The following EFL1 variants were observed in gnomAD, a reference collection of about 807,000 sequenced individuals.
EFL1 encodes the protein elongation factor like GTPase 1.
EFL1 carries 76 observed loss-of-function variants against 126.7 expected under a neutral mutation model. The ratio of observed to expected loss-of-function variants is 0.60; its 90% CI spans 0.50 to 0.73. The LOEUF is 0.73. Ranked by LOEUF, EFL1 falls within the 30% of genes least tolerant of loss-of-function variation. The probability of loss-of-function intolerance (pLI) is 0.00; values close to 1 mark genes in which losing one functional copy is unlikely to be tolerated. For missense variants in EFL1, 1,128 were observed against 1,343.2 expected, an observed-to-expected ratio of 0.84 and a Z score of 2.50; for synonymous variants, 410 against 448.4, an observed-to-expected ratio of 0.91 and a Z score of 1.08.
intron 18 of EFL1, among the ~76,000 whole-genome samples, chr15:82,145,281 C>T (rs1595939682): frequency 8.8e-6 from 1 of 113,766 alleles, no homozygotes; most frequent in East Asian, 2.4e-4. Flanking sequence ...CCAGCCTGGG[C>T]AACAAGAGCG....
chr15:82,223,205 T>C lies in EFL1; in HGVS notation c.1292+1960A>G, dbSNP rs72749585. Among the ~76,000 whole-genome samples the C allele has an allele frequency of 6.9e-3, 1,048 of 151,756 alleles. 10 individuals carry two copies. Among genetic ancestry groups the C allele is most frequent in the Non-Finnish European group, 8.2e-3 (555 of 67,948 alleles). On this transcript the variant is annotated intron_variant, in intron 12 of 19. Coordinates refer to ENST00000268206, the MANE Select transcript of EFL1 (RefSeq NM_024580.6). The stretch of plus-strand genomic sequence containing the variant: ...ATGTCTAATACAATGGAGATGAAAA[T>C]GCTATCAAACCAACTTCCAATGGTA...
chr15:82,157,887 AATATG>A (rs756525782), intron 16 of EFL1, 27 bp from the exon 17 acceptor site: 34 of 1,602,366 alleles, frequency 2.1e-5, no homozygotes, highest in East Asian at 1.6e-4. Flanking sequence ...AAATAGATTA[AATATG>A]ATATAAGAAC....
chr15:82,133,746 C>T (rs1370392815), intron 19 of EFL1, among the ~76,000 whole-genome samples: 2 of 152,290 alleles, frequency 1.3e-5, no homozygotes, highest in East Asian at 3.9e-4. Flanking sequence ...ATAAGAAACA[C>T]AAACTGTTTT....
rs760173604 is a variant in EFL1, at chr15:82,229,003, G to T, written c.932+31C>A. On this transcript the variant is annotated intron_variant, in intron 9 of 19. Coordinates refer to ENST00000268206, the MANE Select transcript of EFL1 (RefSeq NM_024580.6). ...AGTGAGACAAATTATACTGCCTAAA[G>T]ATGCCTAAAGGTAAACAATAAGAGT... The T allele has an allele frequency of 3.9e-5, 61 of 1,558,050 alleles. 2 individuals carry two copies. In the South Asian group the frequency reaches 6.6e-4, roughly 17 times the overall value.
At chr15:82,257,191 A>C (rs1463662790) in intron 3 of EFL1, among the ~76,000 whole-genome samples, 3 of 152,156 alleles carry the variant, frequency 2.0e-5, no homozygotes, top group Non-Finnish European at 4.4e-5. Flanking sequence ...CCATTTTAGC[A>C]AGTTATGTTT....
intron 17 of EFL1, among the ~76,000 whole-genome samples, chr15:82,153,759 T>C (rs914239867): frequency 2.0e-5 from 3 of 152,192 alleles, no homozygotes; most frequent in Admixed American, 2.0e-4. Context: ...TAATTTGTAT[T>C]AGATCTGTTA....
At chr15:82,252,629 A>G in intron 4 of EFL1, 62 bp downstream of exon 4, 1 of 1,291,604 alleles carries the variant, frequency 7.7e-7, no homozygotes, top group Non-Finnish European at 1.1e-6. Context: ...ATTAATTCAG[A>G]AAGACAGAAG....
intron 11 of EFL1, among the ~76,000 whole-genome samples, chr15:82,225,548 A>G (rs1229036939): frequency 2.0e-5 from 3 of 152,274 alleles, no homozygotes; most frequent in Non-Finnish European, 4.4e-5. Context: ...AAGCTATGCA[A>G]TGAGGTTAAC....
chr15:82,248,471 G>A (rs889594442), intron 4 of EFL1, among the ~76,000 whole-genome samples: 7 of 152,092 alleles, frequency 4.6e-5, no homozygotes, highest in African/African-American at 1.2e-4. Context: ...CCTAGTCTTC[G>A]GAGTATAAAA....
At chr15:82,204,508 T>C (rs1313160880) in intron 15 of EFL1, among the ~76,000 whole-genome samples, 1 of 152,230 alleles carries the variant, frequency 6.6e-6, no homozygotes, top group Admixed American at 6.5e-5. Context: ...CTTTTGACAA[T>C]CACTTGCTTT....
intron 18 of EFL1, among the ~76,000 whole-genome samples, chr15:82,144,453 C>G (rs1047677197): frequency 6.6e-6 from 1 of 152,050 alleles, no homozygotes; most frequent in African/African-American, 2.4e-5. Context: ...TTCAAGAGAC[C>G]TACTGTTTCA....
intron 15 of EFL1, among the ~76,000 whole-genome samples, chr15:82,185,602 G>A (rs1329905203): frequency 1.3e-5 from 2 of 151,786 alleles, no homozygotes; most frequent in Non-Finnish European, 2.9e-5. Flanking sequence ...CCTATAAAAA[G>A]CTTTTACCAA....
intron 15 of EFL1, among the ~76,000 whole-genome samples, chr15:82,207,305 T>C (rs186953310): frequency 0.14 from 16,952 of 122,558 alleles, 1,464 homozygotes; most frequent in African/African-American, 0.3. Flanking sequence ...TATATATATA[T>C]ATACACACAC....
rs543602027 is a variant in EFL1, at chr15:82,143,984, G to A, written c.2990-5142C>T. Among the ~76,000 whole-genome samples, 4 of 152,240 alleles carry A rather than the reference G, an allele frequency of 2.6e-5. No homozygotes were observed. In the South Asian group the frequency reaches 6.2e-4, roughly 24 times the overall value. On this transcript the variant is annotated intron_variant, in intron 18 of 19. Transcript: ENST00000268206. The stretch of plus-strand genomic sequence containing the variant: ...CAGCTGGGACTATAGGCATACGCTC[G>A]CACGCCTGGCTAGGACTTGAAATGC...
At chr15:82,132,677 G>A in intron 19 of EFL1, among the ~76,000 whole-genome samples, 1 of 58,086 alleles carries the variant, frequency 1.7e-5, no homozygotes, top group African/African-American at 6.6e-5. Flanking sequence ...CAAGGTCCAG[G>A]AATTGGGGGG....
At chr15:82,212,475 T>C (rs2074600554) in intron 15 of EFL1, among the ~76,000 whole-genome samples, 1 of 152,262 alleles carries the variant, frequency 6.6e-6, no homozygotes, top group Non-Finnish European at 1.5e-5. Context: ...TCATGCTTCC[T>C]AGTCATGCAG....
intron 16 of EFL1, among the ~76,000 whole-genome samples, chr15:82,160,496 A>T (rs1373268910): frequency 6.6e-6 from 1 of 152,252 alleles, no homozygotes; most frequent in Non-Finnish European, 1.5e-5. Flanking sequence ...ATCTATAATT[A>T]TATGTACATA....
chr15:82,230,289 T>C (rs1196652439), intron 8 of EFL1, among the ~76,000 whole-genome samples: 2 of 152,168 alleles, frequency 1.3e-5, no homozygotes, highest in Admixed American at 6.5e-5. Flanking sequence ...TGAGAATAAA[T>C]TTATGAAATC....
intron 16 of EFL1, 86 bp from the exon 17 acceptor site, chr15:82,157,946 T>A (rs2073984897): frequency 7.3e-7 from 1 of 1,364,176 alleles, no homozygotes; most frequent in African/African-American, 1.5e-5. Context: ...GAAGGGAAAA[T>A]TACATTGAAA....
Sources: allele counts gnomAD v4.1 joint callset (sites outside exome capture counted in the v4.1 genomes callset), GRCh38; gene constraint gnomAD v4.1.1; transcripts MANE v1.5; gene names NCBI Gene and HGNC (gene_info 2026-07-23, HGNC 2026-07-21).